ADRA1A: variants seen among roughly 807,000 people sequenced by gnomAD.
The protein encoded by ADRA1A is alpha-1A adrenergic receptor.
A neutral mutation model predicts 29.6 loss-of-function variants in ADRA1A; 31 were observed. The observed-to-expected ratio is 1.05, with a 90% confidence interval of 0.79 to 1.41. The LOEUF (loss-of-function observed/expected upper bound fraction) is 1.41. ADRA1A is among the 40% of genes most tolerant of loss of function. The pLI, the probability that ADRA1A is intolerant of heterozygous loss-of-function variation, is 0.00. For missense variants in ADRA1A, 619 were observed against 601.1 expected (o/e 1.03, Z -0.31); for synonymous variants, 311 against 254.3 (o/e 1.22, Z -2.12).
In ADRA1A at chr8:26,770,191, C is replaced by T. The variant is rs777627486; in HGVS notation, c.1359G>A (p.Lys453=). 1 of 1,589,850 alleles carries T rather than the reference C, an allele frequency of 6.3e-7. No individual in the cohort carries two copies. The highest frequency in any genetic ancestry group is 8.6e-7 in the Non-Finnish European group (1 of 1,167,206). The change falls in exon 3 of 3, where the codon AAG becomes AAA. Residue 453 remains lysine (K), a synonymous_variant. Coordinates refer to ENST00000380573, the MANE Select transcript of ADRA1A (RefSeq NM_000680.4). ...TCTCACTGAGGGAGATGGTGTGGAC[C>T]TTAATGGTTGGAACTTGATGGTTCT... The part of the protein sequence containing the change: ...LDKNHQVPTI[K]VHTISLSENG...
intron 2 of ADRA1A, among the ~76,000 whole-genome samples, chr8:26,814,957 G>C (rs1016946164): frequency 5.9e-5 from 9 of 152,104 alleles, no homozygotes; most frequent in African/African-American, 2.2e-4. Context: ...TAAATTAATG[G>C]TGAATGCCCT....
In ADRA1A at chr8:26,859,459, A is replaced by G. The variant is rs541974836; in HGVS notation, c.883+4628T>C. ...CATTCTGAGCACCATCCTGAGCACC[A>G]TGTAATAATATCACTCTGAGCACCT... On this transcript the variant is annotated intron_variant, in intron 2 of 2. Coordinates refer to ENST00000380573, the MANE Select transcript of ADRA1A (RefSeq NM_000680.4). 4.6e-5 allele frequency among the ~76,000 whole-genome samples: 7 copies of G among 152,318 alleles called. No homozygotes were observed. The South Asian group carries it at 1.2e-3, about 27-fold the overall frequency.
intron 2 of ADRA1A, among the ~76,000 whole-genome samples, chr8:26,807,606 G>A (rs1186910926): frequency 2.0e-5 from 3 of 152,306 alleles, no homozygotes; most frequent in East Asian, 3.9e-4. Context: ...ATAGCATGTA[G>A]TGCATAAAGG....
In ADRA1A at chr8:26,805,971, C is replaced by T. The variant is rs1808946159; in HGVS notation, c.884-35305G>A. Among the ~76,000 whole-genome samples, 1 of 152,196 alleles carries T rather than the reference C, an allele frequency of 6.6e-6. No individual in the cohort carries two copies. Among genetic ancestry groups the T allele is most frequent in the Non-Finnish European group, 1.5e-5 (1 of 68,034 alleles). On this transcript the variant is annotated intron_variant, in intron 2 of 2. Coordinates refer to ENST00000380573, the MANE Select transcript of ADRA1A (RefSeq NM_000680.4). This position sits in a 1 kb window ranked among gnomAD's most constrained non-coding sequence, Gnocchi z 4.8. ...CAGGTGCAGGCCCCCTCCACACCCACTCTGGAAAGCTGAGGGTTGTGGCTG... is the reference window on the plus strand; with the variant it reads ...CAGGTGCAGGCCCCCTCCACACCCATTCTGGAAAGCTGAGGGTTGTGGCTG...
chr8:26,841,085 A>C lies in ADRA1A; in HGVS notation c.883+23002T>G, dbSNP rs1811785878. ...CTGCATGATCCTGGGCCAGTTACTT[A>C]ACCACCCTCTACCACAGTTTCCTCA... On this transcript the variant is annotated intron_variant, in intron 2 of 2. Coordinates refer to ENST00000380573, the MANE Select transcript of ADRA1A (RefSeq NM_000680.4). This position sits in a 1 kb window ranked among gnomAD's most constrained non-coding sequence, Gnocchi z 4.4. Among the ~76,000 whole-genome samples the C allele has an allele frequency of 6.6e-6, 1 of 152,208 alleles. No individual in the cohort carries two copies. Among genetic ancestry groups the C allele is most frequent in the Admixed American group, 6.5e-5 (1 of 15,280 alleles).
At chr8:26,828,109 G>T (rs555691623) in intron 2 of ADRA1A, among the ~76,000 whole-genome samples, 2 of 152,118 alleles carry the variant, frequency 1.3e-5, no homozygotes, top group East Asian at 1.9e-4. Context: ...GCCCAGGCTG[G>T]TCTCAAACTC....
Position 26,867,207 on chromosome 8 carries a change from C to T in ADRA1A, c.-958G>A, listed in dbSNP as rs1382489061. On this transcript the variant is annotated 5_prime_UTR_variant, in exon 1 of 3. Transcript: ENST00000380573. ...AGATAACCGGTAACTCCACAATCAC[C>T]CTTTTAATATTCAGCTCCCCGACAC... 1.0e-6 allele frequency: 1 copy of T among 985,298 alleles called. No individual in the cohort carries two copies. The highest frequency in any genetic ancestry group is 1.2e-6 in the Non-Finnish European group (1 of 829,938). The allele number at this position is 985,298 out of a possible 1,614,324, so 61.0% of individuals were successfully genotyped here.
chr8:26,826,636 G>A (rs549490629), intron 2 of ADRA1A, among the ~76,000 whole-genome samples: 13 of 152,074 alleles, frequency 8.5e-5, no homozygotes, highest in South Asian at 8.3e-4. Context: ...TGACCCCTGC[G>A]GTGCTCATCG....
At chr8:26,835,269 G>A (rs1049434675) in intron 2 of ADRA1A, among the ~76,000 whole-genome samples, 1 of 152,190 alleles carries the variant, frequency 6.6e-6, no homozygotes, top group Admixed American at 6.5e-5. Flanking sequence ...TTTTTGTAGT[G>A]TGCAAATTCT....
chr8:26,839,252 G>A (rs372192190), intron 2 of ADRA1A, among the ~76,000 whole-genome samples: 59 of 151,084 alleles, frequency 3.9e-4, no homozygotes, highest in African/African-American at 1.4e-3. Flanking sequence ...TCCGCCTCCC[G>A]GGTTCAAGTG....
chr8:26,777,642 T>C (rs1239546372), intron 2 of ADRA1A, among the ~76,000 whole-genome samples: 2 of 152,252 alleles, frequency 1.3e-5, no homozygotes, highest in Non-Finnish European at 2.9e-5. Context: ...CTTGAGAGTG[T>C]TGGCATGTGG....
chr8:26,810,780 C>T (rs1036050098), intron 2 of ADRA1A, among the ~76,000 whole-genome samples: 2 of 152,106 alleles, frequency 1.3e-5, no homozygotes, highest in African/African-American at 4.8e-5. Flanking sequence ...TTGGATGGCA[C>T]GTTTGCAGTT....
In ADRA1A at chr8:26,825,173, C is replaced by T. The variant is rs1810463162; in HGVS notation, c.883+38914G>A. On this transcript the variant is annotated intron_variant, in intron 2 of 2. Coordinates refer to ENST00000380573, the MANE Select transcript of ADRA1A (RefSeq NM_000680.4). The surrounding 1 kb of genome is among the most constrained non-coding windows in gnomAD (Gnocchi z 5.7). The stretch of plus-strand genomic sequence containing the variant: ...CATGTCCCACCCTGAGCTTGCTAGG[C>T]CTTCCAGGGCCTCGGTCCCCACATC... 6.6e-6 allele frequency among the ~76,000 whole-genome samples: 1 copy of T among 152,172 alleles called. No homozygotes were observed. The highest frequency in any genetic ancestry group is 2.4e-5 in the African/African-American group (1 of 41,452).
intron 2 of ADRA1A, among the ~76,000 whole-genome samples, chr8:26,807,959 T>G (rs902395490): frequency 6.6e-6 from 1 of 152,190 alleles, no homozygotes; most frequent in African/African-American, 2.4e-5. Flanking sequence ...CCCAAGCTCT[T>G]TATACTAGAC....
downstream of ADRA1A, among the ~76,000 whole-genome samples, chr8:26,754,491 A>C (rs1805064190): frequency 6.6e-6 from 1 of 152,138 alleles, no homozygotes; most frequent in South Asian, 2.1e-4. Flanking sequence ...ATGGAATCTT[A>C]TTTGTCACAA....
chr8:26,851,857 TAGATAATGGTA>T (rs1812661370), intron 2 of ADRA1A, among the ~76,000 whole-genome samples: 1 of 151,934 alleles, frequency 6.6e-6, no homozygotes, highest in Non-Finnish European at 1.5e-5. Flanking sequence ...AAGTATATAA[TAGATAATGGTA>T]AGATAAATAA....
At position 26,825,567 on chromosome 8, in the gene ADRA1A, G is replaced by A. The variant is rs1441023475; in HGVS notation, c.883+38520C>T. Among the ~76,000 whole-genome samples the A allele has an allele frequency of 6.6e-6, 1 of 152,098 alleles. No individual in the cohort carries two copies. Among genetic ancestry groups the A allele is most frequent in the Non-Finnish European group, 1.5e-5 (1 of 68,030 alleles). ...ATCCTTGTCAAAATTTCCTAATTTT[G>A]ATACTTATATCCCACTTATTCACTA... On this transcript the variant is annotated intron_variant, in intron 2 of 2. Transcript: ENST00000380573. The surrounding 1 kb of genome is among the most constrained non-coding windows in gnomAD (Gnocchi z 5.7).
intron 2 of ADRA1A, 140 bp downstream of exon 2, chr8:26,863,947 G>A: frequency 3.6e-6 from 3 of 838,738 alleles, no homozygotes; most frequent in Admixed American, 3.1e-5. Flanking sequence ...CTACAAGGGA[G>A]CCTTTTCTAA....
intron 2 of ADRA1A, among the ~76,000 whole-genome samples, chr8:26,804,182 A>G (rs1014785174): frequency 1.3e-5 from 2 of 151,876 alleles, no homozygotes; most frequent in East Asian, 1.9e-4. Context: ...TGGCCCCCCA[A>G]AGTGGTGGGG....
Sources: allele counts gnomAD v4.1 joint callset (sites outside exome capture counted in the v4.1 genomes callset), GRCh38; gene constraint gnomAD v4.1.1; non-coding constraint Gnocchi (gnomAD v3.1); transcripts MANE v1.5; gene names NCBI Gene and HGNC (gene_info 2026-07-23, HGNC 2026-07-21).